The following SEMA3A variants were observed in gnomAD, a reference collection of about 807,000 sequenced individuals.
SEMA3A encodes semaphorin 3A, also known as semaphorin-3A.
A neutral mutation model predicts 97.9 loss-of-function variants in SEMA3A; 29 were observed. The ratio of observed to expected loss-of-function variants is 0.30; its 90% CI spans 0.22 to 0.40. The LOEUF (loss-of-function observed/expected upper bound fraction) is 0.40. Among genes scored for constraint, SEMA3A ranks in the 10% least tolerant of loss-of-function variants. The pLI, the probability that SEMA3A is intolerant of heterozygous loss-of-function variation, is 1.00. For missense variants in SEMA3A, 763 were observed against 951.3 expected (o/e 0.80, Z 2.60); for synonymous variants, 321 against 323.7 (o/e 0.99, Z 0.09).
chr7:84,299,309 C>CATATATATATATATATCTCCAT (rs3077893), intron 3 of SEMA3A, among the ~76,000 whole-genome samples: 2 of 82,084 alleles, frequency 2.4e-5, no homozygotes, highest in African/African-American at 3.9e-5. Context: ...TATATATCTC[C>CATATATATATATATATCTCCAT]ATATATATAT....
intron 15 of SEMA3A, among the ~76,000 whole-genome samples, chr7:83,976,741 C>T (rs1412239188): frequency 6.6e-6 from 1 of 151,868 alleles, no homozygotes; most frequent in Non-Finnish European, 1.5e-5. Flanking sequence ...ATAAATGAAT[C>T]ATTTTAAGGC....
intron 3 of SEMA3A, among the ~76,000 whole-genome samples, chr7:84,216,392 A>G (rs1798756828): frequency 6.6e-6 from 1 of 152,192 alleles, no homozygotes; most frequent in Non-Finnish European, 1.5e-5. Flanking sequence ...GGCGTGAGGT[A>G]TGTCACCTGG....
intron 1 of SEMA3A, among the ~76,000 whole-genome samples, chr7:84,165,079 G>A (rs1250513196): frequency 1.3e-5 from 2 of 152,102 alleles, no homozygotes; most frequent in Admixed American, 6.6e-5. Context: ...ATAGTGGCAC[G>A]TGCCTGTAGT....
chr7:84,297,771 G>C (rs969723187), intron 3 of SEMA3A, among the ~76,000 whole-genome samples: 1 of 152,132 alleles, frequency 6.6e-6, no homozygotes, highest in Non-Finnish European at 1.5e-5. Flanking sequence ...ACTGTGGGTA[G>C]CACTCCTAGA....
rs1283207746 is a variant in SEMA3A, at chr7:83,960,453, G to A, written c.*918C>T. ...AGATAATGCTTAAAGAAGGGGAGGT[G>A]TGAACAGCTTCCATTTGTTTGATTT... On this transcript the variant is annotated 3_prime_UTR_variant, in exon 17 of 17. Coordinates refer to ENST00000265362, the MANE Select transcript of SEMA3A (RefSeq NM_006080.3). 2.6e-5 allele frequency: 4 copies of A among 152,120 alleles called. No individual in the cohort carries two copies. Among genetic ancestry groups the A allele is most frequent in the Non-Finnish European group, 5.9e-5 (4 of 67,914 alleles). The allele number at this position is 152,120 out of a possible 1,614,324, so 9.4% of individuals were successfully genotyped here. A position where few individuals can be genotyped will look rare whatever the true frequency, so the allele number is the denominator to read the frequency against.
intron 3 of SEMA3A, among the ~76,000 whole-genome samples, chr7:84,252,157 A>G (rs759889750): frequency 9.9e-5 from 15 of 152,146 alleles, no homozygotes; most frequent in Non-Finnish European, 1.9e-4. Flanking sequence ...CTCTTCCCTG[A>G]ATGTCATTGT....
intron 3 of SEMA3A, among the ~76,000 whole-genome samples, chr7:84,283,336 A>T (rs1383206836): frequency 1.3e-5 from 2 of 152,134 alleles, no homozygotes; most frequent in African/African-American, 4.8e-5. Flanking sequence ...CTTCTAAAGT[A>T]ATGTATCAAG....
intron 2 of SEMA3A, among the ~76,000 whole-genome samples, chr7:84,325,117 C>CTCA (rs1554364630): frequency 3.2e-4 from 48 of 149,162 alleles, no homozygotes; most frequent in African/African-American, 1.1e-3. Context: ...ATGTATATAT[C>CTCA]TCTATCTATC....
intron 5 of SEMA3A, among the ~76,000 whole-genome samples, chr7:84,055,026 G>A (rs1460953906): frequency 8.5e-5 from 13 of 152,184 alleles, no homozygotes; most frequent in South Asian, 2.1e-4. Context: ...AGGGGTCAGG[G>A]GTCAGGGACC....
intron 1 of SEMA3A, among the ~76,000 whole-genome samples, chr7:84,445,858 G>A (rs1649199935): frequency 6.7e-6 from 1 of 149,846 alleles, no homozygotes; most frequent in Non-Finnish European, 1.5e-5. Context: ...TTAGAGAAGA[G>A]GAAAACAAAA....
At chr7:84,372,720 G>A (rs971477852) in intron 1 of SEMA3A, among the ~76,000 whole-genome samples, 6 of 152,044 alleles carry the variant, frequency 3.9e-5, no homozygotes, top group Admixed American at 1.3e-4. Flanking sequence ...ATAGTACCCC[G>A]TGACCAAATA....
intron 6 of SEMA3A, among the ~76,000 whole-genome samples, chr7:84,027,703 G>A (rs1204122733): frequency 6.6e-6 from 1 of 152,142 alleles, no homozygotes; most frequent in Non-Finnish European, 1.5e-5. Context: ...GAGATGAGGT[G>A]GCAGTGTTAA....
chr7:84,439,398 T>C (rs1805215047), intron 1 of SEMA3A, among the ~76,000 whole-genome samples: 1 of 152,248 alleles, frequency 6.6e-6, no homozygotes, highest in Middle Eastern at 3.4e-3. Context: ...CTTGGTTGTA[T>C]TTCAAAAAGT....
intron 1 of SEMA3A, among the ~76,000 whole-genome samples, chr7:84,373,268 A>G (rs1217176257): frequency 6.6e-6 from 1 of 152,188 alleles, no homozygotes; most frequent in African/African-American, 2.4e-5. Context: ...TTGGTATTCC[A>G]TAATAGCTCT....
chr7:84,151,984 A>T (rs980023020), intron 1 of SEMA3A, among the ~76,000 whole-genome samples: 17 of 150,638 alleles, frequency 1.1e-4, no homozygotes, highest in Admixed American at 6.6e-4. Context: ...AATCAAAACC[A>T]CAATGAGATA....
At chr7:84,389,501 TGAGTA>T (rs1377358706) in intron 1 of SEMA3A, among the ~76,000 whole-genome samples, 1 of 152,114 alleles carries the variant, frequency 6.6e-6, no homozygotes, top group Non-Finnish European at 1.5e-5. Context: ...ACCTGGTTTC[TGAGTA>T]GTGTAGTCCA....
intron 1 of SEMA3A, among the ~76,000 whole-genome samples, chr7:84,465,808 C>A (rs997212999): frequency 2.6e-5 from 4 of 152,148 alleles, no homozygotes; most frequent in African/African-American, 9.7e-5. Context: ...GCCTTCATTA[C>A]AAGCATCAAC....
intron 1 of SEMA3A, among the ~76,000 whole-genome samples, chr7:84,482,204 G>C (rs907038278): frequency 3.3e-5 from 5 of 152,060 alleles, no homozygotes; most frequent in Non-Finnish European, 7.4e-5. Flanking sequence ...GTGTGTAAGT[G>C]CTATTAATGT....
chr7:84,331,409 T>C (rs1448821305), intron 2 of SEMA3A, among the ~76,000 whole-genome samples: 4 of 152,144 alleles, frequency 2.6e-5, no homozygotes, highest in African/African-American at 9.7e-5. Flanking sequence ...AAATGAAAGA[T>C]TCAGGTGATT....
Sources: gnomAD v4.1 joint callset for allele counts (sites outside exome capture counted in the v4.1 genomes callset) on GRCh38, gnomAD v4.1.1 for gene constraint, MANE v1.5 for transcripts, NCBI Gene and HGNC (gene_info 2026-07-23, HGNC 2026-07-21) for gene names.